Variants in CSMD1 observed in about 807,000 individuals in gnomAD.
CSMD1 encodes the protein CUB and Sushi multiple domains 1, also known as CUB and sushi domain-containing protein 1.
A neutral mutation model predicts 417.5 loss-of-function variants in CSMD1; 213 were observed. That is an observed-to-expected ratio of 0.51 (90% CI 0.46 to 0.57). The LOEUF is 0.57. CSMD1 is among the 20% of genes least tolerant of loss of function. CSMD1 has a pLI of 0.00. For synonymous variants in CSMD1, 2,862 were observed against 1,736.8 expected (o/e 1.65, Z -16.11); for missense variants, 6,923 against 4,529.7 (o/e 1.53, Z -15.17).
Position 4,312,829 on chromosome 8 carries a change from G to A in CSMD1, c.415+107124C>T, listed in dbSNP as rs549220006. ...GTGGAGGTTGCAGTTAGCTGAGATCGCGCCAGGCAAGGCGGTAAGAGTGAA... is the reference window on the plus strand; with the variant it reads ...GTGGAGGTTGCAGTTAGCTGAGATCACGCCAGGCAAGGCGGTAAGAGTGAA... On this transcript the variant is annotated intron_variant, in intron 3 of 69. Transcript: ENST00000635120. 1.4e-4 allele frequency among the ~76,000 whole-genome samples: 21 copies of A among 152,218 alleles called. No individual in the cohort carries two copies. In the South Asian group the frequency reaches 2.7e-3, roughly 20 times the overall value.
intron 7 of CSMD1, among the ~76,000 whole-genome samples, chr8:3,635,275 A>G (rs907188830): frequency 6.6e-6 from 1 of 151,982 alleles, no homozygotes; most frequent in Non-Finnish European, 1.5e-5. Context: ...GGTGTTCAAG[A>G]CCAGCCCGGC....
At chr8:3,441,109 G>C (rs867404372) in intron 12 of CSMD1, among the ~76,000 whole-genome samples, 1 of 152,120 alleles carries the variant, frequency 6.6e-6, no homozygotes, top group Non-Finnish European at 1.5e-5. Context: ...TGAAGACAGA[G>C]GTAGGAGTTC....
At chr8:4,289,578 G>T (rs1038219443) in intron 3 of CSMD1, among the ~76,000 whole-genome samples, 1 of 152,166 alleles carries the variant, frequency 6.6e-6, no homozygotes, top group African/African-American at 2.4e-5. Context: ...ATCACATTTT[G>T]TCCAGGTCTG....
At chr8:4,806,135 A>C (rs1279125835) in intron 1 of CSMD1, among the ~76,000 whole-genome samples, 1 of 152,172 alleles carries the variant, frequency 6.6e-6, no homozygotes, top group Non-Finnish European at 1.5e-5. Flanking sequence ...CCTAACTTTC[A>C]AAAGTCTCTA....
At chr8:3,591,079 C>T (rs1285608076) in intron 8 of CSMD1, among the ~76,000 whole-genome samples, 1 of 152,052 alleles carries the variant, frequency 6.6e-6, no homozygotes, top group African/African-American at 2.4e-5. Context: ...TTTAGTCCGC[C>T]CTAGATTAAT....
At chr8:3,241,160 C>T (rs562425719) in intron 26 of CSMD1, among the ~76,000 whole-genome samples, 1 of 151,706 alleles carries the variant, frequency 6.6e-6, no homozygotes, top group Non-Finnish European at 1.5e-5. Context: ...GTTAGGGAAG[C>T]AGATAATTTA....
chr8:4,022,168 A>T (rs1356585696), intron 4 of CSMD1, among the ~76,000 whole-genome samples: 1 of 123,796 alleles, frequency 8.1e-6, no homozygotes, highest in African/African-American at 3.0e-5. Context: ...ATATTAATAT[A>T]TATGTATATT....
rs75411310 is a variant in CSMD1, at chr8:3,612,793, T to G, written c.1097+3917A>C. Among the ~76,000 whole-genome samples the G allele has an allele frequency of 2.0e-5, 3 of 152,036 alleles. No individual in the cohort carries two copies. In the South Asian group the frequency reaches 6.2e-4, roughly 32 times the overall value. ...AGCCAAAGCATTACTTAGAGGAAAATTGATAGCAGTAAATACCCACATTTA... is the reference window on the plus strand; with the variant it reads ...AGCCAAAGCATTACTTAGAGGAAAAGTGATAGCAGTAAATACCCACATTTA... On this transcript the variant is annotated intron_variant, in intron 8 of 69. Coordinates refer to ENST00000635120, the MANE Select transcript of CSMD1 (RefSeq NM_033225.6).
At chr8:4,052,634 C>A (rs1166825389) in intron 3 of CSMD1, among the ~76,000 whole-genome samples, 2 of 152,102 alleles carry the variant, frequency 1.3e-5, no homozygotes. Context: ...TCAACCTAGG[C>A]ATCTCCTTTG....
In CSMD1 at chr8:2,937,909, TAGTC is replaced by T. The variant is rs751487853; in HGVS notation, c.*672_*675del. ...TAATTTATTTTTTTTATCAGAATCT[TAGTC>T]ATTCATAACACACTAGTGCAAAAAA... On this transcript the variant is annotated 3_prime_UTR_variant, in exon 70 of 70. Transcript: ENST00000635120. 7.2e-5 allele frequency: 11 copies of T among 152,588 alleles called. No homozygotes were observed. Among genetic ancestry groups the T allele is most frequent in the Non-Finnish European group, 1.6e-4 (11 of 68,038 alleles). The allele number at this position is 152,588 out of a possible 1,614,324, so 9.5% of individuals were successfully genotyped here.
At chr8:3,395,776 A>G (rs1237553120) in intron 17 of CSMD1, among the ~76,000 whole-genome samples, 1 of 152,150 alleles carries the variant, frequency 6.6e-6, no homozygotes, top group Non-Finnish European at 1.5e-5. Context: ...CAGATTCGGT[A>G]CCACAAATTG....
At chr8:4,623,470 A>G (rs1801897844) in intron 2 of CSMD1, among the ~76,000 whole-genome samples, 1 of 151,876 alleles carries the variant, frequency 6.6e-6, no homozygotes, top group Non-Finnish European at 1.5e-5. Context: ...CACCCATTCC[A>G]CTCTTGAATG....
At chr8:4,606,758 G>C (rs1261328583) in intron 2 of CSMD1, among the ~76,000 whole-genome samples, 2 of 152,100 alleles carry the variant, frequency 1.3e-5, no homozygotes, top group East Asian at 3.9e-4. Flanking sequence ...TTTATGAAGG[G>C]ATAGTAAATT....
intron 2 of CSMD1, among the ~76,000 whole-genome samples, chr8:4,565,755 T>C (rs1442690849): frequency 5.4e-4 from 2 of 3,722 alleles, no homozygotes; most frequent in East Asian, 0.011. Context: ...TATACATATA[T>C]ATATATATAT....
chr8:3,862,261 C>A (rs1321457282), intron 5 of CSMD1, among the ~76,000 whole-genome samples: 1 of 152,182 alleles, frequency 6.6e-6, no homozygotes, highest in Non-Finnish European at 1.5e-5. Context: ...ACTTAGGGGA[C>A]TGTGATAACT....
intron 2 of CSMD1, among the ~76,000 whole-genome samples, chr8:4,422,253 G>A (rs753022736): frequency 1.5e-4 from 23 of 152,052 alleles, no homozygotes; most frequent in Non-Finnish European, 2.5e-4. Flanking sequence ...CTTCCAGAAA[G>A]TGTAAGTGGA....
At chr8:3,350,334 G>T (rs1269909224) in intron 21 of CSMD1, among the ~76,000 whole-genome samples, 2 of 150,454 alleles carry the variant, frequency 1.3e-5, no homozygotes, top group African/African-American at 4.9e-5. Flanking sequence ...GTGTATGTGT[G>T]TGTTATAATA....
chr8:3,539,207 T>C (rs1798336697), intron 10 of CSMD1, among the ~76,000 whole-genome samples: 1 of 152,140 alleles, frequency 6.6e-6, no homozygotes. Context: ...TCTGGAAGGA[T>C]GTTCGCAAGG....
intron 7 of CSMD1, among the ~76,000 whole-genome samples, chr8:3,642,352 G>C (rs184103221): frequency 6.6e-6 from 1 of 152,110 alleles, no homozygotes; most frequent in African/African-American, 2.4e-5. Flanking sequence ...TGGGGAGAAA[G>C]AAGAAATCAC....
Sources: allele counts gnomAD v4.1 joint callset (sites outside exome capture counted in the v4.1 genomes callset), GRCh38; gene constraint gnomAD v4.1.1; transcripts MANE v1.5; gene names NCBI Gene and HGNC (gene_info 2026-07-23, HGNC 2026-07-21).